Variants in GLIS1 observed in about 807,000 individuals in gnomAD.
The protein encoded by GLIS1 is GLIS family zinc finger 1, also known as zinc finger protein GLIS1.
Under a neutral mutation model 63.8 loss-of-function variants are expected in GLIS1, and 24 were observed. That is an observed-to-expected ratio of 0.38 (90% confidence interval 0.27 to 0.53). The LOEUF is 0.53. Among genes scored for constraint, GLIS1 ranks in the 20% least tolerant of loss-of-function variants. The pLI is 0.85. For synonymous variants in GLIS1, 450 were observed against 482.5 expected, an observed-to-expected ratio of 0.93 and a Z score of 0.88; for missense variants, 1,036 against 1,074.1, an observed-to-expected ratio of 0.96 and a Z score of 0.50.
At chr1:53,591,069 G>GCT (rs1645189092) in intron 4 of GLIS1, among the ~76,000 whole-genome samples, 1 of 152,226 alleles carries the variant, frequency 6.6e-6, no homozygotes, top group Non-Finnish European at 1.5e-5. Context: ...CTATTTTAGT[G>GCT]GGCCATTTAC....
intron 2 of GLIS1, among the ~76,000 whole-genome samples, chr1:53,605,878 A>G (rs1645364992): frequency 6.6e-6 from 1 of 152,138 alleles, no homozygotes; most frequent in South Asian, 2.1e-4. Flanking sequence ...AAATGCTGGG[A>G]GGGTAGGTGG....
intron 2 of GLIS1, among the ~76,000 whole-genome samples, chr1:53,667,720 G>A (rs959463113): frequency 6.6e-6 from 1 of 152,190 alleles, no homozygotes; most frequent in Non-Finnish European, 1.5e-5. Context: ...CATCTGGTGA[G>A]GGCCTTCTTG....
At position 53,734,134 on chromosome 1, in the gene GLIS1, G is replaced by A. The variant is rs1241963778; in HGVS notation, c.259+3672C>T. On this transcript the variant is annotated intron_variant, in intron 2 of 10. Transcript: ENST00000628545. ...CAGCCATGATGGCTGTTTTTATAAC[G>A]GCGGGGTTCACATTTGTCGTGATCA... 1.8e-5 allele frequency: 18 copies of A among 984,326 alleles called. No individual in the cohort carries two copies. In the South Asian group the frequency reaches 1.9e-4, roughly 10 times the overall value. The allele number at this position is 984,326 out of a possible 1,614,324, so 61.0% of individuals were successfully genotyped here. A position where few individuals can be genotyped will look rare whatever the true frequency, so the allele number is the denominator to read the frequency against.
chr1:53,633,662 C>A (rs893110519), intron 2 of GLIS1, among the ~76,000 whole-genome samples: 2 of 152,008 alleles, frequency 1.3e-5, no homozygotes, highest in African/African-American at 2.4e-5. Context: ...CTCAACACTG[C>A]GTGTGTCAAT....
chr1:53,651,957 C>T (rs58820961), intron 2 of GLIS1, among the ~76,000 whole-genome samples: 5,817 of 152,034 alleles, frequency 0.038, 423 homozygotes, highest in East Asian at 0.34. Flanking sequence ...GGAAGGCACT[C>T]AGGGTGAATG....
intron 4 of GLIS1, among the ~76,000 whole-genome samples, chr1:53,550,563 G>T (rs977793977): frequency 6.6e-6 from 1 of 152,186 alleles, no homozygotes; most frequent in African/African-American, 2.4e-5. Context: ...TTGGCATTAT[G>T]AACTATGAGT....
At chr1:53,694,391 C>T (rs1251746702) in intron 2 of GLIS1, among the ~76,000 whole-genome samples, 1 of 152,232 alleles carries the variant, frequency 6.6e-6, no homozygotes, top group East Asian at 1.9e-4. Flanking sequence ...CCTCCTCACT[C>T]CCTTTCTGCG....
At chr1:53,671,477 G>A (rs1040300329) in intron 2 of GLIS1, among the ~76,000 whole-genome samples, 3 of 152,238 alleles carry the variant, frequency 2.0e-5, no homozygotes, top group African/African-American at 7.2e-5. Flanking sequence ...GATGGCTGGG[G>A]TGTTGGCTCC....
intron 2 of GLIS1, among the ~76,000 whole-genome samples, chr1:53,612,232 A>G (rs1645431620): frequency 6.6e-6 from 1 of 152,168 alleles, no homozygotes; most frequent in African/African-American, 2.4e-5. Flanking sequence ...GCAATGCTGA[A>G]TGTTAGGCTT....
intron 8 of GLIS1, among the ~76,000 whole-genome samples, chr1:53,510,709 C>G (rs1239520619): frequency 6.6e-6 from 1 of 152,226 alleles, no homozygotes; most frequent in African/African-American, 2.4e-5. Flanking sequence ...CATCAATCAT[C>G]ATCATCATTA....
At chr1:53,696,375 T>C (rs1646464973) in intron 2 of GLIS1, among the ~76,000 whole-genome samples, 1 of 152,212 alleles carries the variant, frequency 6.6e-6, no homozygotes, top group Non-Finnish European at 1.5e-5. Flanking sequence ...GGGAGAAATA[T>C]TGCCTCCTTC....
chr1:53,581,074 G>C (rs1056973065), intron 4 of GLIS1, among the ~76,000 whole-genome samples: 2 of 152,220 alleles, frequency 1.3e-5, no homozygotes, highest in African/African-American at 4.8e-5. Flanking sequence ...TGTGTTTCCA[G>C]TCGCAGCAGA....
chr1:53,621,980 G>C (rs1426642019), intron 2 of GLIS1, among the ~76,000 whole-genome samples: 1 of 152,082 alleles, frequency 6.6e-6, no homozygotes, highest in African/African-American at 2.4e-5. Flanking sequence ...TTTTTTAGTA[G>C]AGATGGGGTT....
chr1:53,614,852 T>G (rs1034597896), intron 2 of GLIS1, among the ~76,000 whole-genome samples: 7 of 151,220 alleles, frequency 4.6e-5, no homozygotes, highest in African/African-American at 1.5e-4. Context: ...ACACACGGAC[T>G]CTCACCCTCT....
intron 4 of GLIS1, among the ~76,000 whole-genome samples, chr1:53,569,039 T>C (rs1186730952): frequency 1.3e-5 from 2 of 152,144 alleles, no homozygotes; most frequent in African/African-American, 4.8e-5. Flanking sequence ...TATTACTAAA[T>C]GAAATATGCC....
intron 2 of GLIS1, among the ~76,000 whole-genome samples, chr1:53,663,777 C>A: frequency 6.6e-6 from 1 of 152,230 alleles, no homozygotes; most frequent in African/African-American, 2.4e-5. Flanking sequence ...CAGGACAAAA[C>A]GTTCCAAGGC....
chr1:53,617,316 A>C (rs1645492426), intron 2 of GLIS1, among the ~76,000 whole-genome samples: 1 of 152,232 alleles, frequency 6.6e-6, no homozygotes, highest in African/African-American at 2.4e-5. Flanking sequence ...ATCTTGCCAG[A>C]TATTCAACTA....
intron 4 of GLIS1, among the ~76,000 whole-genome samples, chr1:53,570,177 A>G (rs1314940596): frequency 2.0e-5 from 3 of 151,738 alleles, no homozygotes; most frequent in Non-Finnish European, 4.4e-5. Flanking sequence ...ACTGGTATTT[A>G]TAATAGATAG....
intron 2 of GLIS1, among the ~76,000 whole-genome samples, chr1:53,699,008 G>A (rs1646495806): frequency 6.6e-6 from 1 of 152,058 alleles, no homozygotes; most frequent in Non-Finnish European, 1.5e-5. Flanking sequence ...ACTGTGCTAT[G>A]AGTTTTACAG....
Sources: gnomAD v4.1 joint callset for allele counts (sites outside exome capture counted in the v4.1 genomes callset) on GRCh38, gnomAD v4.1.1 for gene constraint, MANE v1.5 for transcripts, NCBI Gene and HGNC (gene_info 2026-07-23, HGNC 2026-07-21) for gene names.